Variants in CRACR2A observed in about 807,000 individuals in gnomAD.
CRACR2A encodes EF-hand calcium-binding domain-containing protein 4B.
Under a neutral mutation model 90.5 loss-of-function variants are expected in CRACR2A, and 79 were observed. The observed-to-expected ratio is 0.87, with a 90% confidence interval of 0.73 to 1.05. CRACR2A has a LOEUF of 1.05. Ranked by LOEUF, CRACR2A falls within the 50% of genes least tolerant of loss-of-function variation. The pLI, the probability that CRACR2A is intolerant of heterozygous loss-of-function variation, is 0.00. For missense variants in CRACR2A, 823 were observed against 897.2 expected, an observed-to-expected ratio of 0.92 and a Z score of 1.06; for synonymous variants, 338 against 356.7, an observed-to-expected ratio of 0.95 and a Z score of 0.59.
Position 3,707,569 on chromosome 12 carries a change from A to G in CRACR2A, c.-37+5668T>C, listed in dbSNP as rs544543776. ...AAGCCAATGAGAACATCAAAGCCAA[A>G]CATAGCCACAGCATGGTATCTGGTG... On this transcript the variant is annotated intron_variant, in intron 3 of 19. Transcript: ENST00000440314. Among the ~76,000 whole-genome samples the G allele has an allele frequency of 3.3e-5, 5 of 152,376 alleles. No individual in the cohort carries two copies. In the South Asian group the frequency reaches 8.3e-4, roughly 25 times the overall value.
At chr12:3,735,558 A>G (rs1226781066) in intron 1 of CRACR2A, among the ~76,000 whole-genome samples, 1 of 152,220 alleles carries the variant, frequency 6.6e-6, no homozygotes. Context: ...GTACTAACCC[A>G]TTTAATCCTC....
At chr12:3,741,872 C>A (rs1946530791) in intron 1 of CRACR2A, among the ~76,000 whole-genome samples, 1 of 152,240 alleles carries the variant, frequency 6.6e-6, no homozygotes, top group Non-Finnish European at 1.5e-5. Context: ...CAATTAGGCC[C>A]AATCAGCCTG....
intron 1 of CRACR2A, among the ~76,000 whole-genome samples, chr12:3,734,728 C>T (rs562524467): frequency 4.5e-4 from 69 of 152,112 alleles, no homozygotes; most frequent in Admixed American, 1.8e-3. Context: ...GGGTGAACCT[C>T]GAACCTTGAG....
intron 13 of CRACR2A, chr12:3,640,468 C>A: frequency 8.6e-7 from 1 of 1,162,208 alleles, no homozygotes; most frequent in Non-Finnish European, 1.1e-6. Flanking sequence ...TTACAGAACT[C>A]AAAAGAATGT....
At chr12:3,625,393 C>A (rs1213074218) in intron 17 of CRACR2A, among the ~76,000 whole-genome samples, 2 of 151,788 alleles carry the variant, frequency 1.3e-5, no homozygotes, top group Non-Finnish European at 2.9e-5. Context: ...AGGCTCTGTG[C>A]AAAACAGGAG....
At chr12:3,661,763 A>G (rs1423153876) in intron 7 of CRACR2A, among the ~76,000 whole-genome samples, 1 of 152,238 alleles carries the variant, frequency 6.6e-6, no homozygotes, top group Admixed American at 6.5e-5. Context: ...TATCAAGGAA[A>G]ACTTTAGACA....
rs187234543 is a variant in CRACR2A at position 3,727,281 on chromosome 12, C to A, written c.-118+5661G>T. 6 of 150,948 alleles carry A rather than the reference C, an allele frequency of 4.0e-5. No individual in the cohort carries two copies. In the East Asian group the frequency reaches 1.2e-3, roughly 29 times the overall value. 9.4% of individuals were successfully genotyped at this position (150,948 alleles called of 1,614,324 possible). A position where few individuals can be genotyped will look rare whatever the true frequency, so the allele number is the denominator to read the frequency against. On this transcript the variant is annotated intron_variant, in intron 2 of 19. Coordinates refer to ENST00000440314, the MANE Select transcript of CRACR2A (RefSeq NM_001144958.2). ...AGAATATCAGAGTAAGAAGGAAGAA[C>A]AAAAGGCAACCCCAAAGAAGTAACC...
At chr12:3,652,269 G>A (rs981824700) in intron 10 of CRACR2A, among the ~76,000 whole-genome samples, 1 of 152,170 alleles carries the variant, frequency 6.6e-6, no homozygotes, top group Non-Finnish European at 1.5e-5. Flanking sequence ...GAGCTTGATT[G>A]AATTTCAAGA....
In CRACR2A at chr12:3,633,763, C is replaced by T; in HGVS notation, c.1603-27G>A. 1.3e-6 allele frequency: 2 copies of T among 1,551,402 alleles called. No individual in the cohort carries two copies. The highest frequency in any genetic ancestry group is 2.4e-5 in the East Asian group (1 of 40,910). On this transcript the variant is annotated intron_variant, in intron 14 of 19. Transcript: ENST00000440314. This position sits in a 1 kb window ranked among gnomAD's most constrained non-coding sequence, Gnocchi z 4.5. ...TGTGGATGGCACACAATCTGACCAACTGCAGGGAATAGTCTTGCCAGCCCC... is the reference window on the plus strand; with the variant it reads ...TGTGGATGGCACACAATCTGACCAATTGCAGGGAATAGTCTTGCCAGCCCC...
intron 14 of CRACR2A, among the ~76,000 whole-genome samples, chr12:3,635,690 A>G (rs1413098600): frequency 6.6e-6 from 1 of 151,934 alleles, no homozygotes; most frequent in East Asian, 1.9e-4. Context: ...ATTTTTTGTA[A>G]AGACTGGGTC....
intron 1 of CRACR2A, among the ~76,000 whole-genome samples, chr12:3,747,069 T>C (rs1946637815): frequency 1.3e-5 from 2 of 152,156 alleles, no homozygotes; most frequent in Admixed American, 1.3e-4. Flanking sequence ...ATATGACTGG[T>C]TAGAGTAGAA....
At chr12:3,669,714 C>T (rs1300019012) in intron 7 of CRACR2A, among the ~76,000 whole-genome samples, 1 of 152,158 alleles carries the variant, frequency 6.6e-6, no homozygotes, top group Non-Finnish European at 1.5e-5. Context: ...TTGCCTAGCA[C>T]TCAGCCACCT....
In CRACR2A at chr12:3,617,038, C is replaced by G. The variant is rs1302259204; in HGVS notation, c.2035-8G>C. 2 of 1,548,208 alleles carry G rather than the reference C, an allele frequency of 1.3e-6. No individual in the cohort carries two copies. Among genetic ancestry groups the G allele is most frequent in the Non-Finnish European group, 8.7e-7 (1 of 1,144,008 alleles). On this transcript the variant is annotated splice_polypyrimidine_tract_variant and splice_region_variant and intron_variant, in intron 18 of 19. Coordinates refer to ENST00000440314, the MANE Select transcript of CRACR2A (RefSeq NM_001144958.2). ...GAAGATCAGATTGTTCTCCTAGAATCATAAAACAGAGCGAATACAAGAGTA... is the reference window on the plus strand; with the variant it reads ...GAAGATCAGATTGTTCTCCTAGAATGATAAAACAGAGCGAATACAAGAGTA...
At chr12:3,657,001 G>C (rs916448381) in intron 8 of CRACR2A, among the ~76,000 whole-genome samples, 144 of 152,194 alleles carry the variant, frequency 9.5e-4, no homozygotes, top group Non-Finnish European at 1.3e-4. Context: ...CCTTCCCTAG[G>C]CTGGGCTTCC....
chr12:3,641,663 T>C (rs147606140), intron 13 of CRACR2A, 69 bp downstream of exon 13: 7 of 1,394,672 alleles, frequency 5.0e-6, no homozygotes, highest in African/African-American at 1.4e-5. Context: ...AGGCACTGAG[T>C]ATGGGCCCAG....
At chr12:3,716,504 A>G (rs556358575) in intron 2 of CRACR2A, among the ~76,000 whole-genome samples, 1 of 152,328 alleles carries the variant, frequency 6.6e-6, no homozygotes, top group South Asian at 2.1e-4. Context: ...TGAGATGTCT[A>G]TGGTGTTGGC....
intron 7 of CRACR2A, among the ~76,000 whole-genome samples, chr12:3,669,070 C>T (rs1945196137): frequency 6.6e-6 from 1 of 152,178 alleles, no homozygotes; most frequent in African/African-American, 2.4e-5. Context: ...CTAGGGCTGG[C>T]CTTTGATCTA....
chr12:3,669,003 G>A (rs1281711187), intron 7 of CRACR2A, among the ~76,000 whole-genome samples: 1 of 152,212 alleles, frequency 6.6e-6, no homozygotes, highest in East Asian at 1.9e-4. Flanking sequence ...CAGCCAGCTG[G>A]TATTCCCAGG....
intron 1 of CRACR2A, among the ~76,000 whole-genome samples, chr12:3,747,036 G>A (rs1946637415): frequency 6.6e-6 from 1 of 152,336 alleles, no homozygotes; most frequent in Non-Finnish European, 1.5e-5. Context: ...AGAAACTCAG[G>A]TTTAGAGGCT....
Sources: allele counts gnomAD v4.1 joint callset (sites outside exome capture counted in the v4.1 genomes callset), GRCh38; gene constraint gnomAD v4.1.1; non-coding constraint Gnocchi (gnomAD v3.1); transcripts MANE v1.5; gene names NCBI Gene and HGNC (gene_info 2026-07-23, HGNC 2026-07-21).